KIAA1217: variants seen among roughly 807,000 people sequenced by gnomAD.
KIAA1217 encodes the protein sickle tail protein homolog.
Under a neutral mutation model 163.9 loss-of-function variants are expected in KIAA1217, and 88 were observed. The observed-to-expected ratio is 0.54, with a 90% CI of 0.45 to 0.64. The LOEUF (loss-of-function observed/expected upper bound fraction) is 0.64. Among genes scored for constraint, KIAA1217 ranks in the 30% least tolerant of loss-of-function variants. KIAA1217 has a pLI of 0.00. For synonymous variants in KIAA1217, 903 were observed against 923.1 expected (o/e 0.98, Z 0.39); for missense variants, 2,372 against 2,475.0 (o/e 0.96, Z 0.88).
intron 1 of KIAA1217, among the ~76,000 whole-genome samples, chr10:23,959,533 A>G (rs1316386815): frequency 6.6e-6 from 1 of 152,212 alleles, no homozygotes; most frequent in Non-Finnish European, 1.5e-5. Flanking sequence ...AAATGAATGC[A>G]TAGATTTCTA....
At chr10:24,318,967 A>C (rs1726544458) in intron 2 of KIAA1217, among the ~76,000 whole-genome samples, 1 of 152,142 alleles carries the variant, frequency 6.6e-6, no homozygotes, top group South Asian at 2.1e-4. Flanking sequence ...ACGGTTTGGG[A>C]GCTGCAGGTA....
chr10:24,030,976 T>A (rs190562456), intron 2 of KIAA1217, among the ~76,000 whole-genome samples: 1 of 152,362 alleles, frequency 6.6e-6, no homozygotes, highest in African/African-American at 2.4e-5. Context: ...TTAATAATAC[T>A]ATTATGAGCA....
Position 23,745,868 on chromosome 10 carries a change from G to T in KIAA1217, c.-321+50634G>T, listed in dbSNP as rs543387366. Among the ~76,000 whole-genome samples, 7 of 152,290 alleles carry T rather than the reference G, an allele frequency of 4.6e-5. No homozygotes were observed. The South Asian group carries it at 1.4e-3, about 32-fold the overall frequency. On this transcript the variant is annotated intron_variant, in intron 1 of 18. Coordinates refer to the KIAA1217 transcript ENST00000376462. Reference sequence around the variant, plus strand: ...GCAATGAATAAAATAATATGCATCTGATTTTGTCTGCAAACAAATAAAGAG... The same window carrying T: ...GCAATGAATAAAATAATATGCATCTTATTTTGTCTGCAAACAAATAAAGAG...
chr10:23,958,493 G>A (rs1376519838), intron 1 of KIAA1217, among the ~76,000 whole-genome samples: 3 of 152,186 alleles, frequency 2.0e-5, no homozygotes, highest in Non-Finnish European at 4.4e-5. Context: ...TAAGTACAAT[G>A]AAAGCAAGGA....
At chr10:24,062,021 G>T (rs952165196) in intron 2 of KIAA1217, among the ~76,000 whole-genome samples, 1 of 151,952 alleles carries the variant, frequency 6.6e-6, no homozygotes, top group African/African-American at 2.4e-5. Context: ...TGCTCATAGT[G>T]TGTACTTGAC....
intron 2 of KIAA1217, among the ~76,000 whole-genome samples, chr10:24,271,789 C>T (rs529941301): frequency 5.6e-4 from 85 of 151,944 alleles, no homozygotes; most frequent in Non-Finnish European, 9.3e-4. Context: ...AAACTGTGCA[C>T]ACGCAGGCCT....
chr10:24,129,510 A>G (rs745365004), intron 2 of KIAA1217, among the ~76,000 whole-genome samples: 3 of 152,178 alleles, frequency 2.0e-5, no homozygotes, highest in Non-Finnish European at 1.5e-5. Context: ...AAATGTCTTT[A>G]AAGTATATAA....
In KIAA1217 at chr10:24,234,674, A is replaced by G. The variant is rs540567787; in HGVS notation, c.354+14765A>G. Among the ~76,000 whole-genome samples, 137 of 151,380 alleles carry G rather than the reference A, an allele frequency of 9.1e-4. 2 individuals are homozygous for G. Among genetic ancestry groups the G allele is most frequent in the African/African-American group, 2.9e-3 (120 of 41,418 alleles). On this transcript the variant is annotated intron_variant, in intron 2 of 20. Coordinates refer to ENST00000376454, the MANE Select transcript of KIAA1217 (RefSeq NM_019590.5). The stretch of plus-strand genomic sequence containing the variant: ...ACTGTCTCAAAAAAAAAAAAAAAAA[A>G]AAAAAGAAACTACATACAAAAAACT...
chr10:24,340,953 G>C (rs1564503213), intron 2 of KIAA1217, among the ~76,000 whole-genome samples: 2 of 151,502 alleles, frequency 1.3e-5, no homozygotes, highest in South Asian at 4.2e-4. Flanking sequence ...TTGTAAATGT[G>C]TCTGACACAT....
At chr10:23,772,512 T>C (rs137927788) in intron 1 of KIAA1217, among the ~76,000 whole-genome samples, 65 of 152,292 alleles carry the variant, frequency 4.3e-4, no homozygotes, top group African/African-American at 1.3e-3. Context: ...CACCAGGCAT[T>C]GTTCTAAGCA....
Position 24,543,433 on chromosome 10 carries a change from C to T in KIAA1217, c.4163C>T (p.Thr1388Ile). The T allele has an allele frequency of 1.9e-6, 3 of 1,614,098 alleles. No individual in the cohort carries two copies. Among genetic ancestry groups the T allele is most frequent in the Non-Finnish European group, 2.5e-6 (3 of 1,180,028 alleles). The change falls in exon 19 of 21, where the codon ACC becomes ATC. Residue 1388 changes from threonine to isoleucine, a missense_variant. Thr to Ile is a moderately conservative substitution (Grantham distance 89). Around this residue, in one of 3 missense-constraint regions of KIAA1217, gnomAD observed 251 missense variants for 327.3 expected, o/e 0.77. Coordinates refer to ENST00000376454, the MANE Select transcript of KIAA1217 (RefSeq NM_019590.5). ...ACTGACAATATTGCCTTCATGATTA[C>T]CGAAACCACTGTCCAGGTTCTTTCC... ...AATDNIAFMI[T>I]ETTVQVLSSG... is the part of the protein sequence containing the mutation.
chr10:23,982,699 G>A (rs571728056), intron 1 of KIAA1217, among the ~76,000 whole-genome samples: 210 of 151,778 alleles, frequency 1.4e-3, no homozygotes, highest in Non-Finnish European at 2.5e-3. Flanking sequence ...AAGTAGCTGG[G>A]ATTACAGGCA....
chr10:24,284,509 G>C (rs2078329699), intron 2 of KIAA1217, among the ~76,000 whole-genome samples: 2 of 152,162 alleles, frequency 1.3e-5, no homozygotes, highest in South Asian at 4.1e-4. Context: ...AATTCACTTA[G>C]GATAATGGCC....
At chr10:24,241,052 G>C (rs1251287551) in intron 2 of KIAA1217, among the ~76,000 whole-genome samples, 1 of 152,004 alleles carries the variant, frequency 6.6e-6, no homozygotes, top group African/African-American at 2.4e-5. Flanking sequence ...TCACCATGAT[G>C]CCCAGGCTGG....
intron 4 of KIAA1217, among the ~76,000 whole-genome samples, chr10:24,437,334 C>G (rs2060126597): frequency 1.3e-5 from 2 of 152,212 alleles, no homozygotes; most frequent in African/African-American, 2.4e-5. Flanking sequence ...TTGGGCTAGT[C>G]ATTGCTTCAA....
At chr10:23,749,752 G>C (rs1379732922) in intron 1 of KIAA1217, among the ~76,000 whole-genome samples, 1 of 152,082 alleles carries the variant, frequency 6.6e-6, no homozygotes, top group Non-Finnish European at 1.5e-5. Flanking sequence ...TGTGATTTCT[G>C]TCTTTCCTTG....
chr10:23,978,241 G>A (rs1400488024), intron 1 of KIAA1217, among the ~76,000 whole-genome samples: 1 of 152,110 alleles, frequency 6.6e-6, no homozygotes, highest in African/African-American at 2.4e-5. Flanking sequence ...AACTCTCCAT[G>A]TTCTGTCTTT....
chr10:24,539,778 G>T (rs2074727536), intron 17 of KIAA1217, among the ~76,000 whole-genome samples: 1 of 152,062 alleles, frequency 6.6e-6, no homozygotes, highest in South Asian at 2.1e-4. Context: ...CTCTTCCAGG[G>T]CTAAGTATTT....
At chr10:24,459,523 G>C (rs2062145012) in intron 5 of KIAA1217, among the ~76,000 whole-genome samples, 1 of 152,130 alleles carries the variant, frequency 6.6e-6, no homozygotes, top group African/African-American at 2.4e-5. Flanking sequence ...TTAACCCTGG[G>C]CTTTGTATAT....
Sources: allele counts gnomAD v4.1 joint callset (sites outside exome capture counted in the v4.1 genomes callset), GRCh38; gene constraint gnomAD v4.1.1; regional missense constraint gnomAD v4.1.1; transcripts MANE v1.5; gene names NCBI Gene and HGNC (gene_info 2026-07-23, HGNC 2026-07-21).